The following MME variants were observed in gnomAD, a reference collection of about 807,000 sequenced individuals.
MME encodes the protein membrane metalloendopeptidase.
Under a neutral mutation model 113.2 loss-of-function variants are expected in MME, and 98 were observed. The observed-to-expected ratio is 0.87, with a 90% CI of 0.74 to 1.02. The LOEUF is 1.02. Ranked by LOEUF, MME falls within the 50% of genes least tolerant of loss-of-function variation. The pLI, the probability that MME is intolerant of heterozygous loss-of-function variation, is 0.00. For missense variants in MME, 836 were observed against 896.0 expected (o/e 0.93, Z 0.86); for synonymous variants, 292 against 300.6 (o/e 0.97, Z 0.30).
chr3:155,172,478 C>T, intron 21 of MME, 58 bp from the exon 22 acceptor site: 4 of 1,379,156 alleles, frequency 2.9e-6, no homozygotes, highest in Non-Finnish European at 4.1e-6. Context: ...CTTGCTCAAA[C>T]AAATAATCCT....
At chr3:155,057,087 C>T (rs1472699261) in intron 1 of MME, among the ~76,000 whole-genome samples, 1 of 152,124 alleles carries the variant, frequency 6.6e-6, no homozygotes, top group Non-Finnish European at 1.5e-5. Context: ...AAAGCCAAAA[C>T]TGACAAATGG....
intron 15 of MME, among the ~76,000 whole-genome samples, chr3:155,148,049 A>G (rs1721655801): frequency 6.6e-6 from 1 of 152,186 alleles, no homozygotes; most frequent in African/African-American, 2.4e-5. Flanking sequence ...TCCCAGTTCC[A>G]CCACTCATTT....
At chr3:155,178,056 A>G (rs1400515779) in intron 22 of MME, among the ~76,000 whole-genome samples, 1 of 152,164 alleles carries the variant, frequency 6.6e-6, no homozygotes. Context: ...TGCTCAGAGC[A>G]GGAAGCATCT....
Position 155,180,865 on chromosome 3 carries a change from A to C in MME, c.*406A>C. On this transcript the variant is annotated 3_prime_UTR_variant, in exon 23 of 23. Transcript: ENST00000360490. ...AGGCACCAGAAGAACAGTAGGTGACACTATAGTTTAAAACACATTGCCTAA... is the reference window on the plus strand; with the variant it reads ...AGGCACCAGAAGAACAGTAGGTGACCCTATAGTTTAAAACACATTGCCTAA... 1 of 216,194 alleles carries C rather than the reference A, an allele frequency of 4.6e-6. No individual in the cohort carries two copies. Among genetic ancestry groups the C allele is most frequent in the Non-Finnish European group, 9.5e-6 (1 of 104,918 alleles). 13.4% of individuals were successfully genotyped at this position (216,194 alleles called of 1,614,324 possible).
chr3:155,086,986 GT>G (rs377750409), intron 3 of MME, among the ~76,000 whole-genome samples: 6 of 131,472 alleles, frequency 4.6e-5, no homozygotes, highest in South Asian at 4.7e-4. Flanking sequence ...TGGGTTTTTT[GT>G]TTTTTTTGTT....
At chr3:155,156,893 T>G (rs1035859350) in intron 16 of MME, among the ~76,000 whole-genome samples, 1 of 152,088 alleles carries the variant, frequency 6.6e-6, no homozygotes, top group Non-Finnish European at 1.5e-5. Flanking sequence ...TGAAAAAAAT[T>G]TATTCTAGGT....
At chr3:155,086,988 T>C (rs1715793850) in intron 3 of MME, among the ~76,000 whole-genome samples, 2 of 111,706 alleles carry the variant, frequency 1.8e-5, no homozygotes, top group Non-Finnish European at 1.9e-5. Context: ...GGTTTTTTGT[T>C]TTTTTTGTTT....
intron 1 of MME, among the ~76,000 whole-genome samples, chr3:155,031,104 G>C (rs955116800): frequency 2.0e-5 from 3 of 152,112 alleles, no homozygotes; most frequent in African/African-American, 7.2e-5. Flanking sequence ...ATTTTAACTT[G>C]TTTCAGCTGT....
At chr3:155,056,294 C>G (rs1713924824) in intron 1 of MME, among the ~76,000 whole-genome samples, 1 of 151,218 alleles carries the variant, frequency 6.6e-6, no homozygotes, top group South Asian at 2.1e-4. Flanking sequence ...CGTCATTTAG[C>G]ATTAGGTATA....
At chr3:155,173,278 CT>C (rs1231992611) in intron 22 of MME, among the ~76,000 whole-genome samples, 1 of 151,720 alleles carries the variant, frequency 6.6e-6, no homozygotes, top group African/African-American at 2.4e-5. Context: ...TTCCCATGTA[CT>C]AGAACACTTA....
chr3:155,051,835 C>T lies in MME; in HGVS notation c.-11+27511C>T, dbSNP rs141457382. 4.8e-3 allele frequency among the ~76,000 whole-genome samples: 732 copies of T among 152,254 alleles called. 5 individuals are homozygous for T. The highest frequency in any genetic ancestry group is 0.015 in the East Asian group (80 of 5,174). On this transcript the variant is annotated intron_variant, in intron 1 of 22. Coordinates refer to the MME transcript ENST00000492661. Reference sequence around the variant, plus strand: ...CAGCCTCCCAAAGTCTTAACTCATTCCAGCATTAACTCAAAAGTCCTAGTC... The same window carrying T: ...CAGCCTCCCAAAGTCTTAACTCATTTCAGCATTAACTCAAAAGTCCTAGTC...
chr3:155,104,424 G>A (rs1717521784), intron 3 of MME, among the ~76,000 whole-genome samples: 1 of 152,160 alleles, frequency 6.6e-6, no homozygotes, highest in Admixed American at 6.5e-5. Context: ...ATTTATTAGT[G>A]CTCTCTAGAA....
upstream of MME, among the ~76,000 whole-genome samples, chr3:155,078,655 G>T (rs1474643667): frequency 7.5e-6 from 1 of 133,954 alleles, no homozygotes; most frequent in African/African-American, 2.9e-5. Context: ...GAATATGTGT[G>T]TGTATGTGTG....
intron 1 of MME, among the ~76,000 whole-genome samples, chr3:155,034,924 G>A (rs1420086835): frequency 6.6e-6 from 1 of 152,174 alleles, no homozygotes. Flanking sequence ...GGAGTTCTGT[G>A]TTGAGCAGAA....
Position 155,116,669 on chromosome 3 carries a change from A to G in MME, c.445A>G (p.Ile149Val), listed in dbSNP as rs200157166. The change falls in exon 6 of 23, where the codon ATT becomes GTT. Residue 149 changes from isoleucine (I) to valine (V), a missense_variant. Transcript: ENST00000360490. ...LYRSCINESA[I>V]DSRGGEPLLK... Reference sequence around the variant, plus strand: ...ATGTTTGTTGTTTCCAAAAGCTGCTATTGATAGCAGAGGTGGAGAACCTCT... The same window carrying G: ...ATGTTTGTTGTTTCCAAAAGCTGCTGTTGATAGCAGAGGTGGAGAACCTCT... 173 of 1,612,244 alleles carry G rather than the reference A, an allele frequency of 1.1e-4. No homozygotes were observed. The African/African-American group carries it at 1.2e-3, about 11-fold the overall frequency.
intron 3 of MME, among the ~76,000 whole-genome samples, chr3:155,096,484 A>G (rs1716751809): frequency 6.6e-6 from 1 of 152,190 alleles, no homozygotes; most frequent in Admixed American, 6.5e-5. Flanking sequence ...ATAAGCAGGA[A>G]TTGGATTTTG....
At chr3:155,048,454 G>A (rs6799870) in intron 1 of MME, among the ~76,000 whole-genome samples, 8,068 of 152,184 alleles carry the variant, frequency 0.053, 621 homozygotes, top group African/African-American at 0.17. Context: ...GGAGAAATGG[G>A]TTGTAGTAGG....
intron 3 of MME, among the ~76,000 whole-genome samples, chr3:155,104,127 A>C (rs1264474628): frequency 6.6e-6 from 1 of 152,186 alleles, no homozygotes. Context: ...AAACCCTGCA[A>C]GCTCTGTGAG....
intron 3 of MME, among the ~76,000 whole-genome samples, chr3:155,114,094 G>A (rs559596268): frequency 1.1e-3 from 166 of 152,240 alleles, no homozygotes; most frequent in African/African-American, 3.9e-3. Flanking sequence ...GCTCATCTGA[G>A]AGCTTATATT....
Sources: allele counts gnomAD v4.1 joint callset (sites outside exome capture counted in the v4.1 genomes callset), GRCh38; gene constraint gnomAD v4.1.1; transcripts MANE v1.5; gene names NCBI Gene and HGNC (gene_info 2026-07-23, HGNC 2026-07-21).